Variants in UTRN observed in about 807,000 individuals in gnomAD.
The protein encoded by UTRN is dystrophin-related protein 1.
A neutral mutation model predicts 463.9 loss-of-function variants in UTRN; 283 were observed. The ratio of observed to expected loss-of-function variants is 0.61; its 90% CI spans 0.55 to 0.67. The LOEUF is 0.67. Among genes scored for constraint, UTRN ranks in the 30% least tolerant of loss-of-function variants. The pLI, the probability that UTRN is intolerant of heterozygous loss-of-function variation, is 0.00. For synonymous variants in UTRN, 1,442 were observed against 1,431.5 expected (o/e 1.01, Z -0.17); for missense variants, 3,922 against 4,084.3 (o/e 0.96, Z 1.08).
chr6:144,841,268 A>C (rs4895658), intron 73 of UTRN, among the ~76,000 whole-genome samples: 28,696 of 152,200 alleles, frequency 0.19, 3,209 homozygotes, highest in Admixed American at 0.38. Flanking sequence ...CAATGTCATC[A>C]GACTCCAGTG....
At chr6:144,287,390 T>G (rs900725185) in intron 1 of UTRN, among the ~76,000 whole-genome samples, 3 of 152,160 alleles carry the variant, frequency 2.0e-5, no homozygotes, top group Admixed American at 2.0e-4. Flanking sequence ...TTCTTGGCAC[T>G]CACCGTTTTC....
At chr6:144,398,137 C>A in intron 2 of UTRN, 1 of 247,180 alleles carries the variant, frequency 4.0e-6, no homozygotes, top group Non-Finnish European at 8.4e-6. Context: ...GTCATCACCA[C>A]GTTTTCCCTG....
chr6:144,670,100 A>T (rs1001893451), intron 51 of UTRN, among the ~76,000 whole-genome samples: 2 of 152,008 alleles, frequency 1.3e-5, no homozygotes, highest in African/African-American at 4.8e-5. Context: ...TCCTGTGTAC[A>T]TGTCTTTTTC....
chr6:144,479,517 A>G (rs1484913164), intron 25 of UTRN, among the ~76,000 whole-genome samples: 5 of 152,124 alleles, frequency 3.3e-5, no homozygotes, highest in African/African-American at 1.2e-4. Context: ...ACTGTTATAG[A>G]TTAGATTCCT....
chr6:144,695,788 C>T (rs1307898883), intron 52 of UTRN, among the ~76,000 whole-genome samples: 3 of 152,268 alleles, frequency 2.0e-5, no homozygotes, highest in Admixed American at 6.5e-5. Context: ...CTGTCAGGAA[C>T]TTTTATTATA....
chr6:144,469,393 G>C (rs375513031), intron 23 of UTRN, among the ~76,000 whole-genome samples: 18 of 152,300 alleles, frequency 1.2e-4, no homozygotes, highest in Non-Finnish European at 2.6e-4. Flanking sequence ...CTATGTGGGA[G>C]TCTCTGTTTT....
chr6:144,731,324 A>G (rs1307349532), intron 54 of UTRN, among the ~76,000 whole-genome samples: 1 of 152,184 alleles, frequency 6.6e-6, no homozygotes, highest in Non-Finnish European at 1.5e-5. Flanking sequence ...TCTGGGTCCA[A>G]TATATATCTG....
intron 2 of UTRN, among the ~76,000 whole-genome samples, chr6:144,330,157 G>C (rs1776238309): frequency 6.6e-6 from 1 of 152,216 alleles, no homozygotes. Flanking sequence ...GTTCAAGGTG[G>C]TGGAGGGCAC....
At chr6:144,443,753 T>C (rs1363504072) in intron 13 of UTRN, among the ~76,000 whole-genome samples, 2 of 152,100 alleles carry the variant, frequency 1.3e-5, no homozygotes, top group African/African-American at 4.8e-5. Context: ...GAACAAATCA[T>C]TTGATTTTTT....
rs774854102 is a variant in UTRN, at chr6:144,482,214, A to G, written c.3513A>G (p.Ala1171=). ...TCCATCCTTTCTTGGAACAGAGGGCAAAAGAGGATGTGTTGCAGAAGGAGG... is the reference window on the plus strand; with the variant it reads ...TCCATCCTTTCTTGGAACAGAGGGCGAAAGAGGATGTGTTGCAGAAGGAGG... ...LESAVEEMKR[A]KEDVLQKEVR... The change falls in exon 27 of 75, where the codon GCA becomes GCG. Residue 1171 remains alanine, a synonymous_variant. Transcript: ENST00000367545. The G allele has an allele frequency of 1.3e-6, 2 of 1,484,700 alleles. No individual in the cohort carries two copies. The highest frequency in any genetic ancestry group is 2.5e-5 in the East Asian group (1 of 40,176). The allele number at this position is 1,484,700 out of a possible 1,614,324, so 92.0% of individuals were successfully genotyped here.
intron 2 of UTRN, among the ~76,000 whole-genome samples, chr6:144,324,177 C>A (rs1775837257): frequency 6.6e-6 from 1 of 152,046 alleles, no homozygotes; most frequent in Non-Finnish European, 1.5e-5. Flanking sequence ...TATAGGTGAA[C>A]TTTGAGCTTC....
At chr6:144,441,738 G>C (rs1787187034) in intron 13 of UTRN, among the ~76,000 whole-genome samples, 1 of 152,192 alleles carries the variant, frequency 6.6e-6, no homozygotes, top group Non-Finnish European at 1.5e-5. Context: ...TTCTCCATGA[G>C]AGCCCCACCT....
At chr6:144,562,484 G>A (rs149676614) in intron 50 of UTRN, among the ~76,000 whole-genome samples, 28 of 152,066 alleles carry the variant, frequency 1.8e-4, no homozygotes, top group East Asian at 3.9e-4. Flanking sequence ...ATTAGTTTGC[G>A]GTGGATAATG....
At position 144,288,591 on chromosome 6, in the gene UTRN, A is replaced by C. The variant is rs570694814; in HGVS notation, c.-93+2770A>C. 3.0e-3 allele frequency among the ~76,000 whole-genome samples: 450 copies of C among 150,312 alleles called. 4 individuals are homozygous for C. Among genetic ancestry groups the C allele is most frequent in the African/African-American group, 0.01 (410 of 39,666 alleles). ...AATAAAATACACTTAAGAATTTAGCAAATCCTTTATAGTTATGTACTTGAA... is the reference window on the plus strand; with the variant it reads ...AATAAAATACACTTAAGAATTTAGCCAATCCTTTATAGTTATGTACTTGAA... On this transcript the variant is annotated intron_variant, in intron 1 of 74. Coordinates refer to ENST00000367545, the MANE Select transcript of UTRN (RefSeq NM_007124.3).
chr6:144,677,839 C>T (rs969529606), intron 51 of UTRN, among the ~76,000 whole-genome samples: 6 of 152,180 alleles, frequency 3.9e-5, no homozygotes, highest in African/African-American at 1.4e-4. Flanking sequence ...ATTTGCATTT[C>T]TCTAATGACC....
chr6:144,423,119 C>T (rs1198025464), intron 4 of UTRN, among the ~76,000 whole-genome samples: 2 of 152,210 alleles, frequency 1.3e-5, no homozygotes, highest in Non-Finnish European at 2.9e-5. Context: ...TCTCTAAAAT[C>T]CTTCTGCAGC....
intron 22 of UTRN, among the ~76,000 whole-genome samples, chr6:144,462,435 G>A (rs1789516336): frequency 6.6e-6 from 1 of 152,128 alleles, no homozygotes; most frequent in Non-Finnish European, 1.5e-5. Context: ...CAGTGAGATT[G>A]CTGGGTCAAA....
chr6:144,827,266 C>A, intron 66 of UTRN, 82 bp from the exon 67 acceptor site: 1 of 1,528,768 alleles, frequency 6.5e-7, no homozygotes, highest in South Asian at 1.1e-5. Context: ...TTGAGAATCT[C>A]CCCACACCCC....
chr6:144,692,969 T>A (rs566532598), intron 52 of UTRN, among the ~76,000 whole-genome samples: 1 of 152,200 alleles, frequency 6.6e-6, no homozygotes, highest in East Asian at 1.9e-4. Flanking sequence ...CCCATTCCTA[T>A]GTGTAGAATG....
Sources: allele counts gnomAD v4.1 joint callset (sites outside exome capture counted in the v4.1 genomes callset), GRCh38; gene constraint gnomAD v4.1.1; transcripts MANE v1.5; gene names NCBI Gene and HGNC (gene_info 2026-07-23, HGNC 2026-07-21).